Variants in SLCO3A1 observed in about 807,000 individuals in gnomAD.
The protein encoded by SLCO3A1 is solute carrier organic anion transporter family member 3A1.
A neutral mutation model predicts 63.1 loss-of-function variants in SLCO3A1; 27 were observed. The ratio of observed to expected loss-of-function variants is 0.43; its 90% confidence interval spans 0.32 to 0.59. The LOEUF (loss-of-function observed/expected upper bound fraction) is 0.59, where lower values mean the gene tolerates loss of function less well. Ranked by LOEUF, SLCO3A1 falls within the 20% of genes least tolerant of loss-of-function variation. The pLI, the probability that SLCO3A1 is intolerant of heterozygous loss-of-function variation, is 0.09. For missense variants in SLCO3A1, 773 were observed against 945.8 expected (o/e 0.82, Z 2.40); for synonymous variants, 473 against 409.9 (o/e 1.15, Z -1.86).
chr15:91,890,267 T>C (rs1166460273), intron 1 of SLCO3A1, among the ~76,000 whole-genome samples: 2 of 152,240 alleles, frequency 1.3e-5, no homozygotes, highest in East Asian at 1.9e-4. Flanking sequence ...TGCTGTATAA[T>C]TGTTCATCTC....
At chr15:92,146,683 C>T (rs1396738137) in intron 7 of SLCO3A1, among the ~76,000 whole-genome samples, 1 of 152,280 alleles carries the variant, frequency 6.6e-6, no homozygotes, top group Non-Finnish European at 1.5e-5. Flanking sequence ...AGCGCAATTT[C>T]CTCTCTAATT....
intron 1 of SLCO3A1, among the ~76,000 whole-genome samples, chr15:91,855,303 A>G (rs77144200): frequency 0.016 from 2,472 of 152,212 alleles, 67 homozygotes; most frequent in East Asian, 0.087. Context: ...CTCAGGGCTC[A>G]CTGTTAAAGG....
intron 9 of SLCO3A1, 43 bp downstream of exon 9, chr15:92,151,057 T>G (rs1200875146): frequency 1.5e-6 from 2 of 1,334,640 alleles, no homozygotes; most frequent in African/African-American, 2.9e-5. Context: ...AATTGGATGC[T>G]TATTACTAGG....
intron 2 of SLCO3A1, among the ~76,000 whole-genome samples, chr15:92,072,715 A>T (rs1266298625): frequency 6.6e-6 from 1 of 152,108 alleles, no homozygotes; most frequent in Non-Finnish European, 1.5e-5. Flanking sequence ...GTGACTGTGT[A>T]ACTCATGTCT....
intron 2 of SLCO3A1, among the ~76,000 whole-genome samples, chr15:91,957,993 G>A (rs988268506): frequency 1.3e-5 from 2 of 151,592 alleles, no homozygotes; most frequent in African/African-American, 4.9e-5. Context: ...AACAACATGG[G>A]TTTGAACTGC....
At chr15:92,056,230 G>T (rs1408814460) in intron 2 of SLCO3A1, among the ~76,000 whole-genome samples, 1 of 152,038 alleles carries the variant, frequency 6.6e-6, no homozygotes, top group Non-Finnish European at 1.5e-5. Context: ...AGCCTTTGGG[G>T]GTTGAAGAGC....
chr15:92,064,784 A>G (rs1215971417), intron 2 of SLCO3A1, among the ~76,000 whole-genome samples: 1 of 152,242 alleles, frequency 6.6e-6, no homozygotes, highest in East Asian at 1.9e-4. Context: ...CAAATATTGC[A>G]TGTTCTCACT....
intron 2 of SLCO3A1, among the ~76,000 whole-genome samples, chr15:92,027,560 C>T (rs550483369): frequency 2.0e-5 from 3 of 152,184 alleles, no homozygotes; most frequent in Non-Finnish European, 2.9e-5. Flanking sequence ...GCCACAGCAC[C>T]GCAGTGCTCT....
At chr15:91,962,186 G>A (rs1485336176) in intron 2 of SLCO3A1, among the ~76,000 whole-genome samples, 1 of 152,080 alleles carries the variant, frequency 6.6e-6, no homozygotes, top group Non-Finnish European at 1.5e-5. Context: ...GACATTTTAA[G>A]AATTACAGAG....
chr15:92,015,208 C>T (rs1487633292), intron 2 of SLCO3A1, among the ~76,000 whole-genome samples: 1 of 152,106 alleles, frequency 6.6e-6, no homozygotes, highest in Non-Finnish European at 1.5e-5. Flanking sequence ...ATGCCAGGAG[C>T]TTTCCGTAGG....
At chr15:92,007,396 C>T (rs955620947) in intron 2 of SLCO3A1, among the ~76,000 whole-genome samples, 3 of 152,132 alleles carry the variant, frequency 2.0e-5, no homozygotes, top group East Asian at 3.9e-4. Context: ...GGGAAGTCCT[C>T]TCTTACGTTG....
chr15:92,059,061 A>G (rs2047055380), intron 2 of SLCO3A1, among the ~76,000 whole-genome samples: 1 of 152,124 alleles, frequency 6.6e-6, no homozygotes, highest in African/African-American at 2.4e-5. Context: ...GTTTGAAGGC[A>G]CTATCCAACC....
intron 2 of SLCO3A1, among the ~76,000 whole-genome samples, chr15:91,946,474 G>T (rs1343636548): frequency 3.3e-5 from 5 of 152,228 alleles, no homozygotes; most frequent in Non-Finnish European, 5.9e-5. Flanking sequence ...AAACAGGAGA[G>T]ATTTGAAAGT....
At chr15:92,114,925 C>T (rs1311210140) in intron 4 of SLCO3A1, among the ~76,000 whole-genome samples, 1 of 152,144 alleles carries the variant, frequency 6.6e-6, no homozygotes, top group Non-Finnish European at 1.5e-5. Context: ...TTGGTTTTCT[C>T]ATGTCTGGAA....
At chr15:91,971,822 TCAGCAGTGGCTCCGTA>T (rs1160669419) in intron 2 of SLCO3A1, among the ~76,000 whole-genome samples, 3 of 80,740 alleles carry the variant, frequency 3.7e-5, no homozygotes, top group Admixed American at 2.4e-4. Flanking sequence ...GGCTCCGTAT[TCAGCAGTGGCTCCGTA>T]TTCAACAGTT....
chr15:92,029,259 G>C (rs2046615885), intron 2 of SLCO3A1, among the ~76,000 whole-genome samples: 2 of 152,280 alleles, frequency 1.3e-5, no homozygotes, highest in African/African-American at 4.8e-5. Context: ...CACTTCCTGA[G>C]GTTGCCAAAT....
At chr15:92,119,774 T>A (rs2047840072) in intron 4 of SLCO3A1, among the ~76,000 whole-genome samples, 1 of 152,156 alleles carries the variant, frequency 6.6e-6, no homozygotes, top group Admixed American at 6.5e-5. Flanking sequence ...TGATTTGAGC[T>A]GATCTCGCTG....
intron 2 of SLCO3A1, among the ~76,000 whole-genome samples, chr15:91,962,775 C>T (rs1034227593): frequency 1.3e-5 from 2 of 152,102 alleles, no homozygotes; most frequent in African/African-American, 4.8e-5. Context: ...GGTCCTCGGG[C>T]TGCTTACTTT....
chr15:92,053,458 C>T (rs2046982094), intron 2 of SLCO3A1, among the ~76,000 whole-genome samples: 1 of 152,112 alleles, frequency 6.6e-6, no homozygotes, highest in Admixed American at 6.5e-5. Flanking sequence ...CTGAGGTCCA[C>T]ATTTTATTCA....
Sources: gnomAD v4.1 joint callset for allele counts (sites outside exome capture counted in the v4.1 genomes callset) on GRCh38, gnomAD v4.1.1 for gene constraint, MANE v1.5 for transcripts, NCBI Gene and HGNC (gene_info 2026-07-23, HGNC 2026-07-21) for gene names.